Variants in STPG2 observed in about 807,000 individuals in gnomAD.
STPG2 encodes the protein sperm-tail PG-rich repeat-containing protein 2.
STPG2 carries 56 observed loss-of-function variants against 54.2 expected under a neutral mutation model. The ratio of observed to expected loss-of-function variants is 1.03; its 90% CI spans 0.83 to 1.29. The LOEUF is 1.29. STPG2 is among the 50% of genes most tolerant of loss of function. The pLI, the probability that STPG2 is intolerant of heterozygous loss-of-function variation, is 0.00. For synonymous variants in STPG2, 200 were observed against 181.8 expected, an observed-to-expected ratio of 1.10 and a Z score of -0.81; for missense variants, 596 against 544.9, an observed-to-expected ratio of 1.09 and a Z score of -0.93.
At position 98,020,068 on chromosome 4, in the gene STPG2, G is replaced by C. The variant is rs2149290148; in HGVS notation, c.613-38750C>G. On this transcript the variant is annotated intron_variant, in intron 5 of 10. Transcript: ENST00000295268. ...TCCAACAGTATGTTGAATAGGAGTG[G>C]TGAGAGAGGGCATCCCTGTCTTGTG... Among the ~76,000 whole-genome samples, 3 of 122,008 alleles carry C rather than the reference G, an allele frequency of 2.5e-5. 1 individual carries two copies. In the South Asian group the frequency reaches 8.5e-4, roughly 35 times the overall value. The allele number at this position is 122,008 out of a possible 152,430, so 80.0% of individuals were successfully genotyped here.
intron 10 of STPG2, among the ~76,000 whole-genome samples, chr4:97,653,875 G>A (rs532395616): frequency 6.6e-6 from 1 of 152,258 alleles, no homozygotes; most frequent in South Asian, 2.1e-4. Context: ...AATAAAGGGA[G>A]CTTTATCATA....
intron 9 of STPG2, among the ~76,000 whole-genome samples, chr4:97,714,897 T>G (rs1286899142): frequency 6.6e-6 from 1 of 152,138 alleles, no homozygotes; most frequent in African/African-American, 2.4e-5. Context: ...CATTTTCAAT[T>G]ATGAAGAAAT....
At chr4:97,807,509 A>G (rs1370632037) in intron 9 of STPG2, among the ~76,000 whole-genome samples, 1 of 152,042 alleles carries the variant, frequency 6.6e-6, no homozygotes, top group Non-Finnish European at 1.5e-5. Flanking sequence ...TGGAAATAAA[A>G]ATAAAATAAT....
intron 8 of STPG2, among the ~76,000 whole-genome samples, chr4:97,867,211 T>C (rs1054894647): frequency 7.9e-5 from 12 of 152,004 alleles, no homozygotes; most frequent in Admixed American, 6.6e-5. Flanking sequence ...TAATCTTTTA[T>C]CTTTGGCTGC....
chr4:97,861,981 A>C (rs1017089638), intron 8 of STPG2, among the ~76,000 whole-genome samples: 11 of 152,004 alleles, frequency 7.2e-5, no homozygotes, highest in Admixed American at 1.3e-4. Context: ...CCAAATTGTA[A>C]AGACCATCGA....
At chr4:97,831,366 T>C (rs1728453024) in intron 9 of STPG2, among the ~76,000 whole-genome samples, 1 of 152,084 alleles carries the variant, frequency 6.6e-6, no homozygotes, top group Admixed American at 6.6e-5. Context: ...GGGACATATT[T>C]AAAGCAGTGT....
Position 97,936,889 on chromosome 4 carries a change from G to A in STPG2, c.1044+7008C>T, listed in dbSNP as rs189131611. On this transcript the variant is annotated intron_variant, in intron 8 of 10. Transcript: ENST00000295268. ...GATCTACTCATGGAGTATGTTATTGGGGTTCTCTGGATTCCTGAATTTAAA... is the reference window on the plus strand; with the variant it reads ...GATCTACTCATGGAGTATGTTATTGAGGTTCTCTGGATTCCTGAATTTAAA... 4.2e-3 allele frequency among the ~76,000 whole-genome samples: 641 copies of A among 152,190 alleles called. 3 individuals carry two copies. Among genetic ancestry groups the A allele is most frequent in the South Asian group, 0.024 (117 of 4,820 alleles).
chr4:97,682,103 AC>A (rs1269045352), intron 10 of STPG2, among the ~76,000 whole-genome samples: 1 of 151,760 alleles, frequency 6.6e-6, no homozygotes, highest in African/African-American at 2.4e-5. Context: ...CCACAAGTTA[AC>A]GTTAAAAGCA....
intron 10 of STPG2, among the ~76,000 whole-genome samples, chr4:97,607,135 A>T (rs748889798): frequency 5.3e-5 from 8 of 152,082 alleles, no homozygotes; most frequent in Admixed American, 6.6e-5. Flanking sequence ...TTTGATATAC[A>T]TTATTTTAAA....
chr4:97,768,933 C>A (rs1306301891), intron 9 of STPG2, among the ~76,000 whole-genome samples: 1 of 151,988 alleles, frequency 6.6e-6, no homozygotes, highest in Non-Finnish European at 1.5e-5. Flanking sequence ...ATGGTGGTCT[C>A]TTACCAGGCA....
At chr4:98,005,836 T>C (rs1459191880) in intron 5 of STPG2, among the ~76,000 whole-genome samples, 2 of 152,190 alleles carry the variant, frequency 1.3e-5, no homozygotes, top group African/African-American at 2.4e-5. Flanking sequence ...TATTCTTTTT[T>C]ATAGTGTCCT....
chr4:97,733,209 G>T lies in STPG2; in HGVS notation c.1205-20395C>A, dbSNP rs568517823. On this transcript the variant is annotated intron_variant, in intron 9 of 10. Transcript: ENST00000295268. ...ATGTTAAATGCGCATCAACTAATGA[G>T]CAGCTAAAGAAAACGTGGTGTATAT... Among the ~76,000 whole-genome samples, 81 of 152,232 alleles carry T rather than the reference G, an allele frequency of 5.3e-4. No homozygotes were observed. In the South Asian group the frequency reaches 0.016, roughly 31 times the overall value.
chr4:97,970,541 G>C lies in STPG2; in HGVS notation c.933+1739C>G, dbSNP rs537194266. ...ACCATCTGATCTTTGACAAACCTGA[G>C]AAAAACAAGAAATGGGGAAAGGATT... On this transcript the variant is annotated intron_variant, in intron 7 of 10. Transcript: ENST00000295268. Among the ~76,000 whole-genome samples the C allele has an allele frequency of 2.6e-4, 40 of 152,150 alleles. No homozygotes were observed. The South Asian group carries it at 5.6e-3, about 21-fold the overall frequency.
At chr4:98,090,094 T>C (rs1738642501) in intron 5 of STPG2, among the ~76,000 whole-genome samples, 1 of 152,176 alleles carries the variant, frequency 6.6e-6, no homozygotes, top group South Asian at 2.1e-4. Flanking sequence ...TTGCGTTTGC[T>C]TTTGGGGTCT....
At chr4:97,634,069 C>A (rs62316466) in intron 10 of STPG2, among the ~76,000 whole-genome samples, 1 of 152,218 alleles carries the variant, frequency 6.6e-6, no homozygotes, top group Non-Finnish European at 1.5e-5. Flanking sequence ...ACCGCAGTAA[C>A]CTCTGCAGAC....
intron 10 of STPG2, among the ~76,000 whole-genome samples, chr4:97,695,779 G>A (rs1723550563): frequency 6.6e-6 from 1 of 151,146 alleles, no homozygotes; most frequent in Non-Finnish European, 1.5e-5. Flanking sequence ...AACTACTTAG[G>A]AATATATCTA....
chr4:97,851,939 A>C (rs539299541), intron 8 of STPG2, among the ~76,000 whole-genome samples: 2 of 152,358 alleles, frequency 1.3e-5, no homozygotes, highest in South Asian at 4.1e-4. Flanking sequence ...GAGAATAAGC[A>C]GATTATCTCC....
intron 10 of STPG2, among the ~76,000 whole-genome samples, chr4:97,630,842 C>T (rs2136082): frequency 0.11 from 16,516 of 151,520 alleles, 2,667 homozygotes; most frequent in African/African-American, 0.36. Context: ...TATGTAATAA[C>T]TGATTCAGAA....
At chr4:98,123,594 GT>G (rs2110157837) in intron 3 of STPG2, among the ~76,000 whole-genome samples, 1 of 152,292 alleles carries the variant, frequency 6.6e-6, no homozygotes, top group African/African-American at 2.4e-5. Context: ...GCTCAGGAGT[GT>G]TTTGCTTCCA....
Sources: gnomAD v4.1 joint callset for allele counts (sites outside exome capture counted in the v4.1 genomes callset) on GRCh38, gnomAD v4.1.1 for gene constraint, MANE v1.5 for transcripts, NCBI Gene and HGNC (gene_info 2026-07-23, HGNC 2026-07-21) for gene names.